The following MCTP1 variants were observed in gnomAD, a reference collection of about 807,000 sequenced individuals.
MCTP1 encodes multiple C2 and transmembrane domain-containing protein 1.
A neutral mutation model predicts 120.6 loss-of-function variants in MCTP1; 69 were observed. The ratio of observed to expected loss-of-function variants is 0.57; its 90% CI spans 0.47 to 0.70. The LOEUF (loss-of-function observed/expected upper bound fraction) is 0.70, where lower values mean the gene tolerates loss of function less well. MCTP1 is among the 30% of genes least tolerant of loss of function. MCTP1 has a pLI of 0.00. For missense variants in MCTP1, 1,203 were observed against 1,248.8 expected (o/e 0.96, Z 0.55); for synonymous variants, 529 against 493.1 (o/e 1.07, Z -0.96).
At chr5:94,756,590 C>T (rs1047334749) in intron 19 of MCTP1, among the ~76,000 whole-genome samples, 1 of 152,138 alleles carries the variant, frequency 6.6e-6, no homozygotes, top group Non-Finnish European at 1.5e-5. Context: ...TTCTACCATT[C>T]TAGCAATAGT....
chr5:94,751,293 T>C (rs1047134718), intron 19 of MCTP1, among the ~76,000 whole-genome samples: 2 of 151,956 alleles, frequency 1.3e-5, no homozygotes, highest in Non-Finnish European at 2.9e-5. Context: ...CTTAATAATA[T>C]TGCAAATTAT....
rs11432604 is a variant in MCTP1 at position 94,787,622 on chromosome 5, GT to G, written c.2557-8460del. 5.7e-3 allele frequency among the ~76,000 whole-genome samples: 801 copies of G among 141,376 alleles called. 5 individuals carry two copies. Among genetic ancestry groups the G allele is most frequent in the African/African-American group, 0.019 (732 of 38,656 alleles). The allele number at this position is 141,376 out of a possible 152,430, so 92.7% of individuals were successfully genotyped here. On this transcript the variant is annotated intron_variant, in intron 18 of 22. Coordinates refer to ENST00000515393, the MANE Select transcript of MCTP1 (RefSeq NM_024717.7). ...TATTAAGCACTTACTGTTTTTTTTT[GT>G]TTTTTTTTTTTGAGACGGCGTCTCC...
At chr5:94,771,077 C>T (rs1445131342) in intron 19 of MCTP1, among the ~76,000 whole-genome samples, 1 of 152,196 alleles carries the variant, frequency 6.6e-6, no homozygotes, top group Non-Finnish European at 1.5e-5. Flanking sequence ...CTTGTAGAAG[C>T]TTGCTTTGGA....
At chr5:95,259,308 G>A (rs1758232523) in intron 1 of MCTP1, among the ~76,000 whole-genome samples, 1 of 152,044 alleles carries the variant, frequency 6.6e-6, no homozygotes. Flanking sequence ...ATCTATCTTT[G>A]CCCATGTCAG....
At chr5:94,955,998 G>C (rs916982760) in intron 2 of MCTP1, among the ~76,000 whole-genome samples, 1 of 152,230 alleles carries the variant, frequency 6.6e-6, no homozygotes, top group African/African-American at 2.4e-5. Flanking sequence ...GGGGTCGACA[G>C]ACACCTCACA....
At chr5:94,814,570 G>A (rs997663277) in intron 17 of MCTP1, among the ~76,000 whole-genome samples, 1 of 152,136 alleles carries the variant, frequency 6.6e-6, no homozygotes, top group Non-Finnish European at 1.5e-5. Context: ...CCACCATAAG[G>A]TGAGGCTATC....
At chr5:94,776,172 A>C (rs1023577562) in intron 19 of MCTP1, among the ~76,000 whole-genome samples, 1 of 152,016 alleles carries the variant, frequency 6.6e-6, no homozygotes, top group Admixed American at 6.6e-5. Flanking sequence ...TGTCTTTGTC[A>C]TGTATATAAT....
chr5:94,980,675 A>G (rs1227459287), intron 2 of MCTP1: 1 of 152,070 alleles, frequency 6.6e-6, no homozygotes, highest in East Asian at 1.9e-4. Flanking sequence ...TCCTAAAGAC[A>G]TTGTCACTGG....
At chr5:95,000,890 A>G (rs1331289727) in intron 2 of MCTP1, among the ~76,000 whole-genome samples, 7 of 152,202 alleles carry the variant, frequency 4.6e-5, no homozygotes, top group African/African-American at 1.7e-4. Flanking sequence ...AGCACCATTC[A>G]TGGTAAATGC....
intron 2 of MCTP1, among the ~76,000 whole-genome samples, chr5:95,001,789 TG>T (rs1355013782): frequency 1.3e-5 from 2 of 152,112 alleles, no homozygotes; most frequent in Non-Finnish European, 2.9e-5. Context: ...AAATCATTTT[TG>T]GGGGGAGAAA....
At chr5:95,215,610 T>C (rs1354022200) in intron 1 of MCTP1, among the ~76,000 whole-genome samples, 1 of 152,178 alleles carries the variant, frequency 6.6e-6, no homozygotes, top group Non-Finnish European at 1.5e-5. Flanking sequence ...TTTTGCTTTT[T>C]TAGCCTTGTT....
At chr5:94,755,193 T>TC (rs1426161233) in intron 19 of MCTP1, among the ~76,000 whole-genome samples, 3 of 152,148 alleles carry the variant, frequency 2.0e-5, no homozygotes, top group Non-Finnish European at 4.4e-5. Context: ...CATGTGTGCT[T>TC]CTTCAACACC....
chr5:94,960,022 C>T (rs1027281895), intron 2 of MCTP1, among the ~76,000 whole-genome samples: 6 of 152,172 alleles, frequency 3.9e-5, no homozygotes, highest in Non-Finnish European at 7.4e-5. Flanking sequence ...TCAAGCTACA[C>T]TACAAGGCTA....
At chr5:94,766,645 C>T (rs1772806713) in intron 19 of MCTP1, among the ~76,000 whole-genome samples, 1 of 150,578 alleles carries the variant, frequency 6.6e-6, no homozygotes, top group African/African-American at 2.4e-5. Context: ...ACGTTGTGCA[C>T]ATGTACCCTA....
intron 9 of MCTP1, 42 bp downstream of exon 9, chr5:94,912,764 G>A: frequency 1.4e-6 from 2 of 1,464,394 alleles, no homozygotes; most frequent in Non-Finnish European, 1.8e-6. Flanking sequence ...ACCAACCAAT[G>A]CCTTCCAAAT....
intron 1 of MCTP1, among the ~76,000 whole-genome samples, chr5:95,067,654 A>G (rs533368194): frequency 6.6e-6 from 1 of 152,230 alleles, no homozygotes; most frequent in Admixed American, 6.5e-5. Flanking sequence ...ACATACTTCA[A>G]TGTTTTTAAA....
At chr5:95,121,619 G>A (rs1758247625) in intron 1 of MCTP1, among the ~76,000 whole-genome samples, 2 of 150,888 alleles carry the variant, frequency 1.3e-5, no homozygotes, top group South Asian at 2.1e-4. Context: ...AAATATCAAC[G>A]ACATTCTTCA....
At chr5:95,026,865 C>T (rs145414223) in intron 1 of MCTP1, among the ~76,000 whole-genome samples, 14 of 152,220 alleles carry the variant, frequency 9.2e-5, no homozygotes, top group Non-Finnish European at 1.8e-4. Context: ...ATTCAATTTT[C>T]GACTTTTAAA....
At chr5:95,232,859 G>C (rs1407511019) in intron 1 of MCTP1, among the ~76,000 whole-genome samples, 1 of 152,128 alleles carries the variant, frequency 6.6e-6, no homozygotes. Flanking sequence ...AATAGTATGA[G>C]GGAAAATGAA....
Sources: gnomAD v4.1 joint callset for allele counts (sites outside exome capture counted in the v4.1 genomes callset) on GRCh38, gnomAD v4.1.1 for gene constraint, MANE v1.5 for transcripts, NCBI Gene and HGNC (gene_info 2026-07-23, HGNC 2026-07-21) for gene names.